GPR142: variants seen among roughly 807,000 people sequenced by gnomAD.
GPR142 encodes the protein G-protein coupled receptor 142 long form.
GPR142 carries 9 observed loss-of-function variants against 10.6 expected under a neutral mutation model. The ratio of observed to expected loss-of-function variants is 0.85; its 90% CI spans 0.51 to 1.48. GPR142 has a LOEUF of 1.48. GPR142 is among the 40% of genes most tolerant of loss of function. The pLI, the probability that GPR142 is intolerant of heterozygous loss-of-function variation, is 0.00. For synonymous variants in GPR142, 202 were observed against 221.2 expected (o/e 0.91, Z 0.77); for missense variants, 482 against 506.0 (o/e 0.95, Z 0.45).
chr17:74,372,446 G>A lies in GPR142; in HGVS notation c.971G>A (p.Gly324Asp), dbSNP rs949669116. ...VAMLHTAANF[G>D]LYCFVSKTFR... ...ATGCTCCACACGGCAGCCAACTTCG[G>A]CCTCTACTGCTTTGTCAGCAAGACT... is the stretch of plus-strand genomic sequence containing the variant. Residue 324 changes from glycine to aspartate, a missense_variant, in exon 4 of 4, where the codon GGC becomes GAC. By Grantham distance (94) the Gly-to-Asp change is moderately conservative (BLOSUM62 -1). Coordinates refer to ENST00000582579, the MANE Select transcript of GPR142 (RefSeq NM_001331076.1). 1.2e-6 allele frequency: 2 copies of A among 1,613,806 alleles called. No homozygotes were observed. Among genetic ancestry groups the A allele is most frequent in the African/African-American group, 1.3e-5 (1 of 74,942 alleles).
rs764505136 is a variant in GPR142 at position 74,367,609 on chromosome 17, A to G, written c.-259A>G. The G allele has an allele frequency of 4.0e-5, 65 of 1,614,118 alleles. No homozygotes were observed. The highest frequency in any genetic ancestry group is 5.3e-5 in the Non-Finnish European group (63 of 1,180,058). On this transcript the variant is annotated 5_prime_UTR_variant, in exon 1 of 4. Transcript: ENST00000582579. ...GGTACAGAAGCATATACTGAGGAAG[A>G]CAAATCAATGGTGTCCCATGCACAG...
At chr17:74,370,084 A>G (rs931506172) in intron 2 of GPR142, among the ~76,000 whole-genome samples, 2 of 152,056 alleles carry the variant, frequency 1.3e-5, no homozygotes, top group Non-Finnish European at 2.9e-5. Context: ...GGCTGGCATC[A>G]CCCGGGTCGG....
At chr17:74,368,419 G>T (rs1243450280) in intron 1 of GPR142, among the ~76,000 whole-genome samples, 1 of 152,102 alleles carries the variant, frequency 6.6e-6, no homozygotes, top group Non-Finnish European at 1.5e-5. Context: ...GGACTTTCAG[G>T]CTTGCAGGGT....
intron 3 of GPR142, 75 bp downstream of exon 3, chr17:74,370,754 T>C (rs2144340268): frequency 7.0e-7 from 1 of 1,430,666 alleles, no homozygotes; most frequent in Non-Finnish European, 9.6e-7. Flanking sequence ...GTGCCAGTCC[T>C]CTGTGTTTGA....
At chr17:74,370,075 G>T (rs919664419) in intron 2 of GPR142, among the ~76,000 whole-genome samples, 2 of 152,216 alleles carry the variant, frequency 1.3e-5, no homozygotes, top group Non-Finnish European at 2.9e-5. Context: ...CCTGTGTGTG[G>T]CTGGCATCAC....
chr17:74,372,502 G>A lies in GPR142; in HGVS notation c.1027G>A (p.Asp343Asn), dbSNP rs775365814. Reference sequence around the variant, plus strand: ...GGCCACTGTCCGACAGGTCATCCACGATGCCTACCTGCCCTGCACTTTGGC... The same window carrying A: ...GGCCACTGTCCGACAGGTCATCCACAATGCCTACCTGCCCTGCACTTTGGC... ...FRATVRQVIH[D>N]AYLPCTLASQ... The change falls in exon 4 of 4, where the codon GAT becomes AAT. Residue 343 changes from aspartate (D) to asparagine (N), a missense_variant. Physicochemically the swap from Asp to Asn is conservative, Grantham distance 23. Transcript: ENST00000582579. 2.8e-5 allele frequency: 45 copies of A among 1,613,486 alleles called. 1 individual carries two copies. The Admixed American group carries it at 4.3e-4, about 16-fold the overall frequency.
intron 1 of GPR142, 78 bp downstream of exon 1, chr17:74,367,872 C>A: frequency 3.0e-6 from 4 of 1,346,388 alleles, no homozygotes; most frequent in African/African-American, 1.5e-5. Context: ...CCTCTCCTCG[C>A]TCTGAATCCA....
At position 74,372,042 on chromosome 17, in the gene GPR142, G is replaced by A. The variant is rs761980237; in HGVS notation, c.567G>A (p.Arg189=). 13 of 1,613,948 alleles carry A rather than the reference G, an allele frequency of 8.1e-6. No homozygotes were observed. The highest frequency in any genetic ancestry group is 1.1e-5 in the Non-Finnish European group (13 of 1,180,040). Residue 189 remains arginine, a synonymous_variant, in exon 4 of 4, where the codon CGG becomes CGA. Transcript: ENST00000582579. The stretch of plus-strand genomic sequence containing the variant: ...CCTCGTCCCCAGGCCGGACCCGCCG[G>A]GCCATTGCTGCTGTCCTGAGTGCTG... ...RAASSPGRTR[R]AIAAVLSAAL...
intron 2 of GPR142, 92 bp from the exon 3 acceptor site, chr17:74,370,429 T>C (rs1170426024): frequency 7.4e-7 from 1 of 1,354,966 alleles, no homozygotes; most frequent in African/African-American, 1.5e-5. Context: ...CAGAGCAGGG[T>C]GACTAGAAAG....
intron 2 of GPR142, 142 bp downstream of exon 2, chr17:74,369,776 G>T (rs1287096103): frequency 1.4e-5 from 12 of 858,858 alleles, no homozygotes; most frequent in Non-Finnish European, 1.9e-5. Flanking sequence ...GCCTCAGCAG[G>T]AAACGAAAAG....
At chr17:74,367,852 T>G (rs2054992640) in intron 1 of GPR142, 58 bp downstream of exon 1, 2 of 1,440,400 alleles carry the variant, frequency 1.4e-6, no homozygotes, top group African/African-American at 1.4e-5. Flanking sequence ...GTCCCCCTCC[T>G]CCATCTCTCC....
At position 74,367,549 on chromosome 17, in the gene GPR142, T is replaced by C. The variant is rs1339974240; in HGVS notation, c.-319T>C. 17 of 1,613,952 alleles carry C rather than the reference T, an allele frequency of 1.1e-5. No homozygotes were observed. Among genetic ancestry groups the C allele is most frequent in the Non-Finnish European group, 1.4e-5 (17 of 1,179,962 alleles). The stretch of plus-strand genomic sequence containing the variant: ...CCCATGGAGCAAAAGATCCAGTGGG[T>C]CCCCACTTCCCTGCAGGACATCACT... On this transcript the variant is annotated 5_prime_UTR_variant, in exon 1 of 4. Transcript: ENST00000582579.
Position 74,371,999 on chromosome 17 carries a change from C to T in GPR142, c.524C>T (p.Pro175Leu), listed in dbSNP as rs1210262311. Residue 175 changes from proline (P) to leucine (L), a missense_variant, in exon 4 of 4, where the codon CCC becomes CTC. Transcript: ENST00000582579. Reference protein sequence around the residue: ...TVDRYTALCHPLHHRAASSPG... With the variant: ...TVDRYTALCHLLHHRAASSPG... ...GACCGCTACACTGCCCTGTGCCACC[C>T]CCTGCACCATCGGGCCGCCTCGTCC... The T allele has an allele frequency of 1.2e-6, 2 of 1,613,286 alleles. No individual in the cohort carries two copies. The highest frequency in any genetic ancestry group is 1.7e-5 in the Admixed American group (1 of 60,012).
At chr17:74,371,193 G>A (rs1048226911) in intron 3 of GPR142, among the ~76,000 whole-genome samples, 3 of 123,724 alleles carry the variant, frequency 2.4e-5, no homozygotes, top group Non-Finnish European at 4.8e-5. Context: ...GTCTCACTCT[G>A]TCACCCAGGC....
rs148516860 is a variant in GPR142, at chr17:74,368,480, G to C, written c.-74+686G>C. Among the ~76,000 whole-genome samples the C allele has an allele frequency of 7.0e-3, 1,063 of 151,704 alleles. 9 individuals carry two copies. The highest frequency in any genetic ancestry group is 0.028 in the Middle Eastern group (8 of 290). On this transcript the variant is annotated intron_variant, in intron 1 of 3. Coordinates refer to ENST00000582579, the MANE Select transcript of GPR142 (RefSeq NM_001331076.1). ...AGGGCCTGCGCTGTGAGTATCCGAGGGGGGGTTGGGATGGGGAGTTCCAGG... is the reference window on the plus strand; with the variant it reads ...AGGGCCTGCGCTGTGAGTATCCGAGCGGGGGTTGGGATGGGGAGTTCCAGG...
At position 74,371,842 on chromosome 17, in the gene GPR142, G is replaced by GT; in HGVS notation, c.368dup (p.Phe124ValfsTer44). On this transcript the variant is annotated frameshift_variant, in exon 4 of 4. Transcript: ENST00000582579. LOFTEE classifies it low-confidence loss of function (END_TRUNC). The stretch of plus-strand genomic sequence containing the variant: ...GGATATCATCATCCAGGTGGTCATC[G>GT]TGTTCGCGGGCTTCCTCCTGCAGGG... The GT allele has an allele frequency of 6.2e-7, 1 of 1,613,658 alleles. No individual in the cohort carries two copies. The highest frequency in any genetic ancestry group is 1.3e-5 in the African/African-American group (1 of 75,064).
rs1157826500 is a variant in GPR142, at chr17:74,369,718, G to C, written c.94+84G>C. ...CAGGAGGCAGGTTAGGGACCTAGAG[G>C]GTGGAGTAGGGGCCAAAGCTGAGAG... is the stretch of plus-strand genomic sequence containing the variant. On this transcript the variant is annotated intron_variant, in intron 2 of 3. Transcript: ENST00000582579. The C allele has an allele frequency of 1.0e-5, 14 of 1,383,432 alleles. No homozygotes were observed. The East Asian group carries it at 3.6e-4, about 36-fold the overall frequency. 85.7% of individuals were successfully genotyped at this position (1,383,432 alleles called of 1,614,324 possible).
chr17:74,369,496 C>G lies in GPR142; in HGVS notation c.-45C>G, dbSNP rs774419940. 7.1e-6 allele frequency: 11 copies of G among 1,558,252 alleles called. No individual in the cohort carries two copies. In the Admixed American group the frequency reaches 2.1e-4, roughly 30 times the overall value. ...CAGTGTCTGCGTAAGGATCCTGGGG[C>G]AAACAACCACTTGGAGAGCCAAGGG... On this transcript the variant is annotated 5_prime_UTR_variant, in exon 2 of 4. Coordinates refer to ENST00000582579, the MANE Select transcript of GPR142 (RefSeq NM_001331076.1).
Position 74,369,751 on chromosome 17 carries a change from G to T in GPR142, c.94+117G>T, listed in dbSNP as rs181688776. The stretch of plus-strand genomic sequence containing the variant: ...AGGGGCCAAAGCTGAGAGTGAGTGA[G>T]CAGTGAGCCCCCCGGCCTCAGCAGG... On this transcript the variant is annotated intron_variant, in intron 2 of 3. Coordinates refer to ENST00000582579, the MANE Select transcript of GPR142 (RefSeq NM_001331076.1). 4 of 1,052,854 alleles carry T rather than the reference G, an allele frequency of 3.8e-6. No individual in the cohort carries two copies. The African/African-American group carries it at 6.5e-5, about 17-fold the overall frequency. The allele number at this position is 1,052,854 out of a possible 1,614,324, so 65.2% of individuals were successfully genotyped here. A position where few individuals can be genotyped will look rare whatever the true frequency, so the allele number is the denominator to read the frequency against.
Sources: allele counts gnomAD v4.1 joint callset (sites outside exome capture counted in the v4.1 genomes callset), GRCh38; gene constraint gnomAD v4.1.1; transcripts MANE v1.5; gene names NCBI Gene and HGNC (gene_info 2026-07-23, HGNC 2026-07-21).